FHIT: variants seen among roughly 807,000 people sequenced by gnomAD.
The protein encoded by FHIT is bis(5'-adenosyl)-triphosphatase.
A neutral mutation model predicts 17.9 loss-of-function variants in FHIT; 19 were observed. The ratio of observed to expected loss-of-function variants is 1.06; its 90% CI spans 0.74 to 1.56. The LOEUF (loss-of-function observed/expected upper bound fraction) is 1.56, where lower values mean the gene tolerates loss of function less well. Among genes scored for constraint, FHIT ranks in the 40% most tolerant of loss-of-function variants. The pLI is 0.00. For missense variants in FHIT, 248 were observed against 189.2 expected (o/e 1.31, Z -1.82); for synonymous variants, 81 against 69.7 (o/e 1.16, Z -0.81).
intron 4 of FHIT, among the ~76,000 whole-genome samples, chr3:60,790,235 C>T (rs6777650): frequency 0.1 from 15,698 of 152,096 alleles, 1,060 homozygotes; most frequent in African/African-American, 0.19. Flanking sequence ...CCAAAGTCAA[C>T]GGCAGGTCCC....
chr3:59,749,517 G>GC lies in FHIT; in HGVS notation c.*67_*68insG, dbSNP rs990911097. On this transcript the variant is annotated 3_prime_UTR_variant, in exon 10 of 10. Coordinates refer to ENST00000492590, the MANE Select transcript of FHIT (RefSeq NM_002012.4). ...ATTCAGTTCCTCTTGGGGAGAGGCG[G>GC]GGGGCGGTCTTCAAACTGGTTGGCA... 4 of 231,400 alleles carry GC rather than the reference G, an allele frequency of 1.7e-5. No individual in the cohort carries two copies. Among genetic ancestry groups the GC allele is most frequent in the East Asian group, 6.1e-5 (1 of 16,472 alleles). 14.3% of individuals were successfully genotyped at this position (231,400 alleles called of 1,614,324 possible).
At chr3:60,622,500 T>C (rs1392617647) in intron 4 of FHIT, among the ~76,000 whole-genome samples, 4 of 152,176 alleles carry the variant, frequency 2.6e-5, no homozygotes, top group Admixed American at 6.5e-5. Flanking sequence ...CTGATGTGAA[T>C]TGTATCCACA....
chr3:60,707,331 T>A (rs972260426), intron 4 of FHIT, among the ~76,000 whole-genome samples: 2 of 152,230 alleles, frequency 1.3e-5, no homozygotes, highest in South Asian at 4.1e-4. Context: ...CACAGGAGAC[T>A]GACAGGCATA....
intron 8 of FHIT, among the ~76,000 whole-genome samples, chr3:59,777,326 T>C (rs1317642024): frequency 6.6e-6 from 1 of 152,104 alleles, no homozygotes; most frequent in African/African-American, 2.4e-5. Flanking sequence ...ATGGCTCATC[T>C]AATCTTTCCT....
At chr3:60,064,497 G>C (rs141072751) in intron 5 of FHIT, among the ~76,000 whole-genome samples, 2 of 152,086 alleles carry the variant, frequency 1.3e-5, no homozygotes, top group Non-Finnish European at 1.5e-5. Flanking sequence ...AATTTTGACC[G>C]CATAGTAAAC....
intron 4 of FHIT, among the ~76,000 whole-genome samples, chr3:60,664,711 T>TG (rs2040341993): frequency 6.6e-6 from 1 of 151,206 alleles, no homozygotes; most frequent in African/African-American, 2.4e-5. Flanking sequence ...TTAGCTAGTT[T>TG]TTTTTTTTTT....
At chr3:60,591,574 C>T (rs1297716142) in intron 4 of FHIT, among the ~76,000 whole-genome samples, 1 of 151,950 alleles carries the variant, frequency 6.6e-6, no homozygotes, top group African/African-American at 2.4e-5. Context: ...AAGCTGAATC[C>T]TTATAGGAAA....
intron 8 of FHIT, among the ~76,000 whole-genome samples, chr3:59,778,085 T>C (rs1375472523): frequency 6.6e-6 from 1 of 152,214 alleles, no homozygotes; most frequent in East Asian, 1.9e-4. Context: ...ACTAGAGTAA[T>C]CTCTTTGGCG....
rs150933934 is a variant in FHIT at position 59,928,049 on chromosome 3, C to CA, written c.280-5636dup. ...ACATGGCTCATGGCGGGGGAAAGAGCAAGGAAGGCTGAAGAGCTACCCTGC... is the reference window on the plus strand; with the variant it reads ...ACATGGCTCATGGCGGGGGAAAGAGCAAAGGAAGGCTGAAGAGCTACCCTGC... On this transcript the variant is annotated intron_variant, in intron 7 of 9. Transcript: ENST00000492590. Among the ~76,000 whole-genome samples, 1,463 of 152,218 alleles carry CA rather than the reference C, an allele frequency of 9.6e-3. 27 individuals are homozygous for CA. The highest frequency in any genetic ancestry group is 0.033 in the African/African-American group (1,378 of 41,532).
At chr3:60,141,172 G>C (rs553946741) in intron 5 of FHIT, among the ~76,000 whole-genome samples, 24 of 151,980 alleles carry the variant, frequency 1.6e-4, no homozygotes, top group Non-Finnish European at 3.1e-4. Flanking sequence ...GCTATCACCT[G>C]GACATTCTTA....
At chr3:60,207,537 A>T (rs1253812391) in intron 5 of FHIT, among the ~76,000 whole-genome samples, 2 of 152,140 alleles carry the variant, frequency 1.3e-5, no homozygotes, top group Non-Finnish European at 2.9e-5. Flanking sequence ...ATCCAGCTGC[A>T]CTAAGAGTAT....
chr3:59,771,521 T>C (rs1702075060), intron 8 of FHIT, among the ~76,000 whole-genome samples: 1 of 151,964 alleles, frequency 6.6e-6, no homozygotes. Flanking sequence ...CCCCATAGAG[T>C]GTTGTGAAGT....
chr3:60,051,343 T>C (rs1400092369), intron 5 of FHIT, among the ~76,000 whole-genome samples: 1 of 148,352 alleles, frequency 6.7e-6, no homozygotes, highest in African/African-American at 2.5e-5. Context: ...TTTTTTTTTT[T>C]GTAACAGCAG....
Position 60,096,352 on chromosome 3 carries a change from G to T in FHIT, c.104-82200C>A, listed in dbSNP as rs1018812068. ...TGAGTCTGGGGCTTTTATAGGCTCA[G>T]AATAGGGGAGGGGCAGGCAGTAGGT... On this transcript the variant is annotated intron_variant, in intron 5 of 9. Coordinates refer to ENST00000492590, the MANE Select transcript of FHIT (RefSeq NM_002012.4). Among the ~76,000 whole-genome samples the T allele has an allele frequency of 3.3e-5, 5 of 152,208 alleles. No individual in the cohort carries two copies. In the East Asian group the frequency reaches 7.7e-4, roughly 23 times the overall value.
chr3:60,411,401 G>A (rs140747850), intron 5 of FHIT, among the ~76,000 whole-genome samples: 1 of 152,222 alleles, frequency 6.6e-6, no homozygotes, highest in African/African-American at 2.4e-5. Context: ...TCCACTTAAT[G>A]TGTCTAGAAG....
intron 5 of FHIT, among the ~76,000 whole-genome samples, chr3:60,498,250 TCA>T (rs1365619757): frequency 6.6e-6 from 1 of 152,192 alleles, no homozygotes; most frequent in African/African-American, 2.4e-5. Flanking sequence ...TATGTTTTAA[TCA>T]GTGTAAAAAT....
At chr3:59,955,833 C>T in intron 7 of FHIT, among the ~76,000 whole-genome samples, 1 of 152,140 alleles carries the variant, frequency 6.6e-6, no homozygotes, top group Non-Finnish European at 1.5e-5. Flanking sequence ...ACCACCAGCA[C>T]TGTCTCTCAT....
At chr3:60,187,354 T>G (rs1702200029) in intron 5 of FHIT, among the ~76,000 whole-genome samples, 2 of 152,140 alleles carry the variant, frequency 1.3e-5, no homozygotes, top group South Asian at 4.1e-4. Context: ...AGGCTGAAGT[T>G]TAGAAGAGAA....
chr3:60,507,325 T>C (rs572450660), intron 5 of FHIT, among the ~76,000 whole-genome samples: 99 of 152,264 alleles, frequency 6.5e-4, no homozygotes, highest in Admixed American at 3.1e-3. Context: ...GAGGCTAGTA[T>C]GGCTGGGCAT....
Sources: allele counts gnomAD v4.1 joint callset (sites outside exome capture counted in the v4.1 genomes callset), GRCh38; gene constraint gnomAD v4.1.1; transcripts MANE v1.5; gene names NCBI Gene and HGNC (gene_info 2026-07-23, HGNC 2026-07-21).